GALNT18: variants seen among roughly 807,000 people sequenced by gnomAD.
GALNT18 encodes the protein GalNAc-transferase 18.
GALNT18 carries 44 observed loss-of-function variants against 69.5 expected under a neutral mutation model. The observed-to-expected ratio is 0.63, with a 90% CI of 0.50 to 0.81. GALNT18 has a LOEUF of 0.81. Ranked by LOEUF, GALNT18 falls within the 40% of genes least tolerant of loss-of-function variation. GALNT18 has a pLI of 0.00. For synonymous variants in GALNT18, 364 were observed against 318.2 expected (o/e 1.14, Z -1.53); for missense variants, 715 against 810.0 (o/e 0.88, Z 1.42).
At position 11,372,699 on chromosome 11, in the gene GALNT18, T is replaced by G; in HGVS notation, c.978-70A>C. On this transcript the variant is annotated intron_variant, in intron 5 of 10. Transcript: ENST00000227756. This position sits in a 1 kb window ranked among gnomAD's most constrained non-coding sequence, Gnocchi z 4.9. The stretch of plus-strand genomic sequence containing the variant: ...CCGAGGAGTAAGAGCAGTAAGGCCT[T>G]CCTATCAGGAGGGTCTGGTTCTCTT... 8.6e-7 allele frequency: 1 copy of G among 1,169,288 alleles called. No homozygotes were observed. The highest frequency in any genetic ancestry group is 1.3e-6 in the Non-Finnish European group (1 of 790,386). 72.4% of individuals were successfully genotyped at this position (1,169,288 alleles called of 1,614,324 possible).
intron 10 of GALNT18, among the ~76,000 whole-genome samples, chr11:11,283,861 C>T (rs187670413): frequency 6.6e-6 from 1 of 152,248 alleles, no homozygotes; most frequent in East Asian, 1.9e-4. Flanking sequence ...ATGGAAACAT[C>T]AGCTAAAAGA....
chr11:11,599,838 A>G (rs1404575135), intron 1 of GALNT18, among the ~76,000 whole-genome samples: 1 of 152,014 alleles, frequency 6.6e-6, no homozygotes, highest in Non-Finnish European at 1.5e-5. Flanking sequence ...ATATATGAAT[A>G]CATTGTAAAG....
In GALNT18 at chr11:11,500,227, A is replaced by G. The variant is rs1035865571; in HGVS notation, c.236-51291T>C. Among the ~76,000 whole-genome samples the G allele has an allele frequency of 6.6e-6, 1 of 152,230 alleles. No homozygotes were observed. The highest frequency in any genetic ancestry group is 2.4e-5 in the African/African-American group (1 of 41,460). ...TCACAGCACAGGGTTCTAGAAAAGT[A>G]TAGATCCAGACAGGTAGCGTTCACT... On this transcript the variant is annotated intron_variant, in intron 1 of 10. Coordinates refer to ENST00000227756, the MANE Select transcript of GALNT18 (RefSeq NM_198516.3). This position sits in a 1 kb window ranked among gnomAD's most constrained non-coding sequence, Gnocchi z 5.0.
chr11:11,286,361 ATGAGTGTCTG>A (rs150380381), intron 10 of GALNT18, among the ~76,000 whole-genome samples: 1,894 of 152,288 alleles, frequency 0.012, 41 homozygotes, highest in African/African-American at 0.042. Context: ...ATCCTACATA[ATGAGTGTCTG>A]TGTACCACAG....
intron 3 of GALNT18, among the ~76,000 whole-genome samples, chr11:11,395,286 C>G (rs975861653): frequency 6.6e-6 from 1 of 152,146 alleles, no homozygotes; most frequent in African/African-American, 2.4e-5. Context: ...ATGAAGTGAT[C>G]GTGTCCAACC....
intron 9 of GALNT18, among the ~76,000 whole-genome samples, chr11:11,324,586 T>C (rs1191266733): frequency 6.6e-6 from 1 of 152,264 alleles, no homozygotes; most frequent in Non-Finnish European, 1.5e-5. Flanking sequence ...TTTGACTTTT[T>C]AATTAGGCCA....
chr11:11,336,841 T>G lies in GALNT18; in HGVS notation c.1278+3978A>C, dbSNP rs78537255. Among the ~76,000 whole-genome samples the G allele has an allele frequency of 5.2e-3, 794 of 151,840 alleles. 4 individuals carry two copies. The highest frequency in any genetic ancestry group is 0.018 in the African/African-American group (749 of 41,372). On this transcript the variant is annotated intron_variant, in intron 7 of 10. Coordinates refer to ENST00000227756, the MANE Select transcript of GALNT18 (RefSeq NM_198516.3). ...TCGGCCTGAAACGAGAGTCTGGGAG[T>G]TTCAGACAAGTAAACATACTCTTTG...
chr11:11,471,214 T>C (rs529652611), intron 1 of GALNT18, among the ~76,000 whole-genome samples: 1 of 152,332 alleles, frequency 6.6e-6, no homozygotes, highest in Admixed American at 6.5e-5. Flanking sequence ...TCTCTCATGG[T>C]TGCAGCAGTT....
chr11:11,466,907 T>C (rs1253945364), intron 1 of GALNT18, among the ~76,000 whole-genome samples: 2 of 152,186 alleles, frequency 1.3e-5, no homozygotes, highest in African/African-American at 2.4e-5. Context: ...CGCAGATCAA[T>C]GAAAGGACCC....
At chr11:11,458,929 A>G (rs1285782204) in intron 1 of GALNT18, among the ~76,000 whole-genome samples, 2 of 152,050 alleles carry the variant, frequency 1.3e-5, no homozygotes, top group African/African-American at 4.8e-5. Flanking sequence ...CACTGGGCAA[A>G]CCCCCAGCTC....
chr11:11,313,969 G>A (rs982429579), intron 9 of GALNT18, among the ~76,000 whole-genome samples: 2 of 152,184 alleles, frequency 1.3e-5, no homozygotes, highest in East Asian at 1.9e-4. Flanking sequence ...TTCTGTGCCC[G>A]ATTTGGTGCT....
chr11:11,482,745 G>A (rs1856561479), intron 1 of GALNT18, among the ~76,000 whole-genome samples: 1 of 152,224 alleles, frequency 6.6e-6, no homozygotes, highest in African/African-American at 2.4e-5. Flanking sequence ...TGGTACATCA[G>A]TTCTTCAGCA....
At chr11:11,478,504 C>T (rs576766918) in intron 1 of GALNT18, among the ~76,000 whole-genome samples, 27 of 152,286 alleles carry the variant, frequency 1.8e-4, no homozygotes, top group East Asian at 1.4e-3. Flanking sequence ...ATGCCCCAAA[C>T]GGCAGCACCG....
Position 11,523,857 on chromosome 11 carries a change from G to T in GALNT18, c.236-74921C>A, listed in dbSNP as rs1181614047. Among the ~76,000 whole-genome samples the T allele has an allele frequency of 6.6e-6, 1 of 152,114 alleles. No individual in the cohort carries two copies. Among genetic ancestry groups the T allele is most frequent in the Non-Finnish European group, 1.5e-5 (1 of 68,022 alleles). ...AGGACACTGGGAAGCTCATGGAATTGCCAAGAGAGGTAGCGAACCAGGCTC... is the reference window on the plus strand; with the variant it reads ...AGGACACTGGGAAGCTCATGGAATTTCCAAGAGAGGTAGCGAACCAGGCTC... On this transcript the variant is annotated intron_variant, in intron 1 of 10. Coordinates refer to ENST00000227756, the MANE Select transcript of GALNT18 (RefSeq NM_198516.3). This position sits in a 1 kb window ranked among gnomAD's most constrained non-coding sequence, Gnocchi z 4.3.
intron 10 of GALNT18, among the ~76,000 whole-genome samples, chr11:11,272,844 G>A (rs995067462): frequency 6.6e-6 from 1 of 152,100 alleles, no homozygotes; most frequent in Non-Finnish European, 1.5e-5. Context: ...AGGGAGAGGT[G>A]GCAAACTTCT....
chr11:11,584,003 A>G lies in GALNT18; in HGVS notation c.235+37356T>C, dbSNP rs922658336. On this transcript the variant is annotated intron_variant, in intron 1 of 10. Transcript: ENST00000227756. This position sits in a 1 kb window ranked among gnomAD's most constrained non-coding sequence, Gnocchi z 4.1. ...AGATGAACTGAATTCTTGTGAGGACATAGGAATTCGAAAAGGAATGGCATC... is the reference window on the plus strand; with the variant it reads ...AGATGAACTGAATTCTTGTGAGGACGTAGGAATTCGAAAAGGAATGGCATC... 1.3e-5 allele frequency among the ~76,000 whole-genome samples: 2 copies of G among 152,178 alleles called. No homozygotes were observed. Among genetic ancestry groups the G allele is most frequent in the East Asian group, 3.8e-4 (2 of 5,196 alleles).
rs1171792546 is a variant in GALNT18 at position 11,478,933 on chromosome 11, TGGCATCTCCCGC to T, written c.236-30009_236-29998del. On this transcript the variant is annotated intron_variant, in intron 1 of 10. Coordinates refer to ENST00000227756, the MANE Select transcript of GALNT18 (RefSeq NM_198516.3). ...GGCATCTCGGCATCTCCCGCGGAGG[TGGCATCTCCCGC>T]GGAGGTGGCACCTCCTCAGGGCTGA... Among the ~76,000 whole-genome samples the T allele has an allele frequency of 7.8e-4, 6 of 7,652 alleles. No homozygotes were observed. In the Admixed American group the frequency reaches 0.015, roughly 20 times the overall value. The allele number at this position is 7,652 out of a possible 152,430, so 5.0% of individuals were successfully genotyped here.
chr11:11,379,929 G>GC (rs1853868694), intron 3 of GALNT18, among the ~76,000 whole-genome samples: 1 of 152,322 alleles, frequency 6.6e-6, no homozygotes, highest in East Asian at 1.9e-4. Context: ...CTCAGCAGCA[G>GC]CCCCCTGAAC....
chr11:11,438,119 CTCA>C (rs1236620301), intron 2 of GALNT18, among the ~76,000 whole-genome samples: 1 of 152,222 alleles, frequency 6.6e-6, no homozygotes, highest in Non-Finnish European at 1.5e-5. Flanking sequence ...CCACCATGGC[CTCA>C]CTCCAGCCTC....
Sources: gnomAD v4.1 joint callset for allele counts (sites outside exome capture counted in the v4.1 genomes callset) on GRCh38, gnomAD v4.1.1 for gene constraint, Gnocchi (gnomAD v3.1) non-coding constraint, MANE v1.5 for transcripts, NCBI Gene and HGNC (gene_info 2026-07-23, HGNC 2026-07-21) for gene names.